The following MACF1 variants were observed in gnomAD, a reference collection of about 807,000 sequenced individuals.
MACF1 encodes the protein microtubule actin crosslinking factor 1, also known as microtubule-actin cross-linking factor 1.
MACF1 carries 193 observed loss-of-function variants against 854.8 expected under a neutral mutation model. The ratio of observed to expected loss-of-function variants is 0.23; its 90% CI spans 0.20 to 0.25. The LOEUF (loss-of-function observed/expected upper bound fraction) is 0.25. Among genes scored for constraint, MACF1 ranks in the 10% least tolerant of loss-of-function variants. The probability of loss-of-function intolerance (pLI) is 1.00; values close to 1 mark genes in which losing one functional copy is unlikely to be tolerated. For missense variants in MACF1, 7,722 were observed against 8,929.1 expected (o/e 0.86, Z 5.45); for synonymous variants, 3,185 against 3,226.7 (o/e 0.99, Z 0.44).
chr1:39,445,949 A>C (rs1425136682), intron 80 of MACF1, among the ~76,000 whole-genome samples: 1 of 152,150 alleles, frequency 6.6e-6, no homozygotes, highest in African/African-American at 2.4e-5. Flanking sequence ...GACATCAATA[A>C]CCTATCTCCA....
At chr1:39,415,793 G>C (rs995289321) in intron 58 of MACF1, among the ~76,000 whole-genome samples, 1 of 152,282 alleles carries the variant, frequency 6.6e-6, no homozygotes, top group Admixed American at 6.5e-5. Flanking sequence ...ACCCAGGTTT[G>C]ATTTGGTCAG....
rs16826069 is a variant in MACF1 at position 39,331,383 on chromosome 1, A to G, written c.4795A>G (p.Ile1599Val). Residue 1599 changes from isoleucine (I) to valine (V), a missense_variant, in exon 37 of 101, where the codon ATA becomes GTA. Physicochemically the swap from Ile to Val is conservative, Grantham distance 29. Coordinates refer to ENST00000564288, the MANE Select transcript of MACF1 (RefSeq NM_001394062.1). ...TGAAAACCTCTCTTTGGAGGAGGGC[A>G]TAGCCAGAAACCTCATTAATCCCCA... ...TGENLSLEEG[I>V]ARNLINPQMY... 337,482 of 1,613,782 alleles carry G rather than the reference A, an allele frequency of 0.21. 37,268 individuals carry two copies. Among genetic ancestry groups the G allele is most frequent in the East Asian group, 0.28 (12,649 of 44,840 alleles).
rs763928512 is a variant in MACF1 at position 39,310,329 on chromosome 1, G to A, written c.3001G>A (p.Asp1001Asn). 6.2e-7 allele frequency: 1 copy of A among 1,614,156 alleles called. No individual in the cohort carries two copies. The change falls in exon 25 of 101, where the codon GAC becomes AAC. Residue 1001 changes from aspartate (D) to asparagine (N), a missense_variant. Asp to Asn is a conservative substitution (Grantham distance 23). Transcript: ENST00000564288. Reference sequence around the variant, plus strand: ...TGAAGACTTTCTGCAGGATAGTCGTGACTCTGTGCTGTTCTCAGTGGCTGA... The same window carrying A: ...TGAAGACTTTCTGCAGGATAGTCGTAACTCTGTGCTGTTCTCAGTGGCTGA... ...HYEDFLQDSR[D>N]SVLFSVADRL... is the part of the protein sequence containing the mutation.
intron 56 of MACF1, among the ~76,000 whole-genome samples, chr1:39,385,228 C>T (rs917981379): frequency 5.3e-5 from 8 of 152,026 alleles, no homozygotes; most frequent in African/African-American, 1.9e-4. Flanking sequence ...CCAGCACGCC[C>T]CACTAATTTT....
At chr1:39,481,988 T>C (rs544405625) in intron 99 of MACF1, among the ~76,000 whole-genome samples, 71 of 152,240 alleles carry the variant, frequency 4.7e-4, no homozygotes, top group Non-Finnish European at 9.1e-4. Context: ...TCACCCTGCT[T>C]ATCTTGCTTT....
chr1:39,291,891 T>C lies in MACF1; in HGVS notation c.1786-19T>C, dbSNP rs1645797803. 1.9e-6 allele frequency: 3 copies of C among 1,609,116 alleles called. No homozygotes were observed. Among genetic ancestry groups the C allele is most frequent in the Non-Finnish European group, 8.5e-7 (1 of 1,178,278 alleles). ...AGCCAGCAGTAAATTATGTCATATA[T>C]ATATTTTTTCTTTTTCAGATGAAAC... On this transcript the variant is annotated intron_variant, in intron 15 of 100. Coordinates refer to ENST00000564288, the MANE Select transcript of MACF1 (RefSeq NM_001394062.1).
At chr1:39,233,029 TTGTG>T (rs1316619407) in intron 2 of MACF1, among the ~76,000 whole-genome samples, 1 of 84,872 alleles carries the variant, frequency 1.2e-5, no homozygotes, top group African/African-American at 3.5e-5. Flanking sequence ...GTTGTTGTTG[TTGTG>T]TTTTGTTTTT....
intron 72 of MACF1, among the ~76,000 whole-genome samples, chr1:39,440,512 C>T (rs1570092217): frequency 6.6e-6 from 1 of 152,090 alleles, no homozygotes; most frequent in Non-Finnish European, 1.5e-5. Flanking sequence ...TTTATTTCAG[C>T]TATTTTTTCA....
intron 2 of MACF1, among the ~76,000 whole-genome samples, chr1:39,140,423 T>C (rs1643312502): frequency 6.6e-6 from 1 of 152,242 alleles, no homozygotes; most frequent in South Asian, 2.1e-4. Flanking sequence ...ATTCTTTGTC[T>C]CTGACATCCC....
chr1:39,350,853 C>T lies in MACF1; in HGVS notation c.11034C>T (p.Phe3678=). Residue 3678 remains phenylalanine (F), a synonymous_variant, in exon 43 of 101, where the codon TTC becomes TTT. Transcript: ENST00000564288. ...FATVVKDIEG[F]MEENQTKLSP... ...CTGTTGTCAAGGACATTGAGGGGTT[C>T]ATGGAAGAGAATCAGACCAAGCTGA... is the stretch of plus-strand genomic sequence containing the variant. 2 of 1,613,962 alleles carry T rather than the reference C, an allele frequency of 1.2e-6. No homozygotes were observed. The highest frequency in any genetic ancestry group is 1.3e-5 in the African/African-American group (1 of 75,000).
intron 2 of MACF1, among the ~76,000 whole-genome samples, chr1:39,107,882 A>G (rs1038774168): frequency 6.6e-6 from 1 of 152,160 alleles, no homozygotes; most frequent in African/African-American, 2.4e-5. Flanking sequence ...CAGGATTTTT[A>G]TATGCAGAAG....
chr1:39,372,570 C>T lies in MACF1; in HGVS notation c.13187C>T (p.Thr4396Ile), dbSNP rs1184659564. 6.2e-7 allele frequency: 1 copy of T among 1,612,806 alleles called. No homozygotes were observed. The highest frequency in any genetic ancestry group is 8.5e-7 in the Non-Finnish European group (1 of 1,178,910). ...TTAGAAAATCTCATCATGGAAATCA[C>T]AGCACCTGATTCCCAAGGCAAGACA... ...TSLENLIMEI[T>I]APDSQGKTGS... The change falls in exon 52 of 101, where the codon ACA (threonine) becomes ATA (isoleucine). Residue 4396 changes from threonine to isoleucine, a missense_variant. By Grantham distance (89) the Thr-to-Ile change is moderately conservative. Transcript: ENST00000564288.
At chr1:39,371,612 C>T (rs74066767) in intron 51 of MACF1, among the ~76,000 whole-genome samples, 4,819 of 152,146 alleles carry the variant, frequency 0.032, 257 homozygotes, top group African/African-American at 0.11. Context: ...TGTTTCCTGA[C>T]GGATTTCTGT....
intron 86 of MACF1, 30 bp from the exon 87 acceptor site, chr1:39,452,654 G>A: frequency 6.2e-7 from 1 of 1,611,910 alleles, no homozygotes; most frequent in South Asian, 1.1e-5. Flanking sequence ...TGCAGAGAGA[G>A]GTTGAATCTT....
rs139539637 is a variant in MACF1 at position 39,105,987 on chromosome 1, A to C, written c.220+21549A>C. On this transcript the variant is annotated intron_variant, in intron 2 of 93. Coordinates refer to the MACF1 transcript ENST00000361689. The surrounding 1 kb of genome is among the most constrained non-coding windows in gnomAD (Gnocchi z 5.9). ...GGCCCCAGCTGGAAGAAGGCGAGAC[A>C]AGGCGCTGGCCTGGAGACCGGCCGC... Among the ~76,000 whole-genome samples the C allele has an allele frequency of 6.6e-6, 1 of 152,146 alleles. No individual in the cohort carries two copies. Among genetic ancestry groups the C allele is most frequent in the Non-Finnish European group, 1.5e-5 (1 of 68,012 alleles).
Position 39,486,044 on chromosome 1 carries a change from G to T in MACF1, c.*250G>T. On this transcript the variant is annotated 3_prime_UTR_variant, in exon 101 of 101. Coordinates refer to ENST00000564288, the MANE Select transcript of MACF1 (RefSeq NM_001394062.1). Reference sequence around the variant, plus strand: ...AATGAAATATTTGAGAAAAACAAGTGAAAAGGTCAAGATACAAATGTGTAT... The same window carrying T: ...AATGAAATATTTGAGAAAAACAAGTTAAAAGGTCAAGATACAAATGTGTAT... The T allele has an allele frequency of 6.1e-6, 2 of 327,160 alleles. No homozygotes were observed. The highest frequency in any genetic ancestry group is 1.1e-5 in the Non-Finnish European group (2 of 183,490). The allele number at this position is 327,160 out of a possible 1,614,324, so 20.3% of individuals were successfully genotyped here.
At chr1:39,337,153 C>T in intron 37 of MACF1, 29 bp from the exon 38 acceptor site, 1 of 1,599,502 alleles carries the variant, frequency 6.3e-7, no homozygotes, top group African/African-American at 1.3e-5. Flanking sequence ...AACGTCAGAA[C>T]TGAGTCAGCT....
In MACF1 at chr1:39,463,858, C is replaced by G. The variant is rs1268880640; in HGVS notation, c.21753+172C>G. On this transcript the variant is annotated intron_variant, in intron 94 of 100. Transcript: ENST00000564288. ...TCAGGTACCCTGTTACATCTGAAAA[C>G]TAGTCCCATATCTACCTAGATAGTA... 5.2e-6 allele frequency: 3 copies of G among 572,032 alleles called. No homozygotes were observed. The East Asian group carries it at 9.0e-5, about 17-fold the overall frequency. The allele number at this position is 572,032 out of a possible 1,614,324, so 35.4% of individuals were successfully genotyped here.
intron 79 of MACF1, 26 bp downstream of exon 79, chr1:39,443,600 C>A: frequency 1.3e-6 from 2 of 1,580,462 alleles, no homozygotes; most frequent in African/African-American, 1.4e-5. Flanking sequence ...TGAAATTGAG[C>A]ATAAGCATCC....
Sources: gnomAD v4.1 joint callset for allele counts (sites outside exome capture counted in the v4.1 genomes callset) on GRCh38, gnomAD v4.1.1 for gene constraint, Gnocchi (gnomAD v3.1) non-coding constraint, MANE v1.5 for transcripts, NCBI Gene and HGNC (gene_info 2026-07-23, HGNC 2026-07-21) for gene names.